FSIP1: variants seen among roughly 807,000 people sequenced by gnomAD.
The protein encoded by FSIP1 is fibrous sheath interacting protein 1, also known as fibrous sheath-interacting protein 1.
FSIP1 carries 65 observed loss-of-function variants against 60.9 expected under a neutral mutation model. That is an observed-to-expected ratio of 1.07 (90% CI 0.87 to 1.31). FSIP1 has a LOEUF of 1.31. Ranked by LOEUF, FSIP1 falls within the 40% of genes most tolerant of loss-of-function variation. FSIP1 has a pLI of 0.00. For missense variants in FSIP1, 675 were observed against 665.5 expected (o/e 1.01, Z -0.16); for synonymous variants, 209 against 221.2 (o/e 0.94, Z 0.49).
chr15:39,770,318 A>C, intron 3 of FSIP1, 109 bp downstream of exon 3: 1 of 784,924 alleles, frequency 1.3e-6, no homozygotes, highest in Non-Finnish European at 1.9e-6. Flanking sequence ...TTTATTATTT[A>C]TATTTAGTTG....
rs749946893 is a variant in FSIP1, at chr15:39,741,879, T to C, written c.581A>G (p.Asp194Gly). The C allele has an allele frequency of 2.8e-5, 45 of 1,598,736 alleles. No individual in the cohort carries two copies. Among genetic ancestry groups the C allele is most frequent in the South Asian group, 4.4e-5 (4 of 90,744 alleles). Residue 194 changes from aspartate (D) to glycine (G), a missense_variant, in exon 6 of 12, where the codon GAC becomes GGC. Asp to Gly is a moderately conservative substitution (Grantham distance 94, BLOSUM62 -1). Coordinates refer to ENST00000350221, the MANE Select transcript of FSIP1 (RefSeq NM_152597.5). ...AGTATGAAACACTGAGGAAAAGGTGTCTTCCTCCTCATGAGAAGGACCTGT... is the reference window on the plus strand; with the variant it reads ...AGTATGAAACACTGAGGAAAAGGTGCCTTCCTCCTCATGAGAAGGACCTGT... ...ETVGPSHEEE[D>G]TFSSVFHTQI...
chr15:39,717,019 T>C (rs1895770237), intron 9 of FSIP1, among the ~76,000 whole-genome samples: 1 of 152,006 alleles, frequency 6.6e-6, no homozygotes, highest in South Asian at 2.1e-4. Flanking sequence ...TTCACCATGT[T>C]GGCCAGGATG....
intron 10 of FSIP1, among the ~76,000 whole-genome samples, chr15:39,648,168 T>TA (rs59445778): frequency 0.012 from 915 of 74,828 alleles, 5 homozygotes; most frequent in African/African-American, 0.02. Flanking sequence ...TAAAGTATAA[T>TA]AAAAAAAAAA....
chr15:39,761,980 C>A (rs1897515259), intron 5 of FSIP1, among the ~76,000 whole-genome samples: 1 of 152,196 alleles, frequency 6.6e-6, no homozygotes, highest in Non-Finnish European at 1.5e-5. Flanking sequence ...AATGGGGCCT[C>A]AGATGGCTGG....
At chr15:39,634,183 T>C (rs1000885059) in intron 10 of FSIP1, among the ~76,000 whole-genome samples, 1 of 152,152 alleles carries the variant, frequency 6.6e-6, no homozygotes, top group African/African-American at 2.4e-5. Flanking sequence ...ACTGGATTTT[T>C]CCCATGAGTA....
chr15:39,780,519 C>CA (rs933891428), intron 1 of FSIP1, among the ~76,000 whole-genome samples: 111 of 151,166 alleles, frequency 7.3e-4, no homozygotes, highest in Middle Eastern at 6.8e-3. Flanking sequence ...GACTCCGTGT[C>CA]AAAAAAAGAA....
At chr15:39,672,875 G>C (rs556721986) in intron 10 of FSIP1, among the ~76,000 whole-genome samples, 3 of 152,322 alleles carry the variant, frequency 2.0e-5, no homozygotes, top group South Asian at 4.1e-4. Flanking sequence ...GAATCAGATG[G>C]ATGAGATGGG....
At chr15:39,633,852 T>C (rs1294000852) in intron 10 of FSIP1, among the ~76,000 whole-genome samples, 1 of 152,228 alleles carries the variant, frequency 6.6e-6, no homozygotes, top group East Asian at 1.9e-4. Flanking sequence ...TCATACACAC[T>C]GGACAATAGG....
intron 1 of FSIP1, among the ~76,000 whole-genome samples, chr15:39,782,290 C>A (rs963646570): frequency 1.3e-5 from 2 of 152,124 alleles, no homozygotes; most frequent in African/African-American, 4.8e-5. Context: ...TTTTATTTTT[C>A]CTGTGAAATG....
At chr15:39,736,431 G>A (rs1019045913) in intron 8 of FSIP1, among the ~76,000 whole-genome samples, 2 of 152,178 alleles carry the variant, frequency 1.3e-5, no homozygotes, top group African/African-American at 4.8e-5. Context: ...TATTTTGTTT[G>A]CCCACACAGA....
chr15:39,776,180 G>GAGCAGA (rs1898051224), intron 2 of FSIP1, among the ~76,000 whole-genome samples: 2 of 122,646 alleles, frequency 1.6e-5, no homozygotes, highest in African/African-American at 6.3e-5. Context: ...GGGAGGGGAG[G>GAGCAGA]GGCGGAGGGA....
intron 8 of FSIP1, among the ~76,000 whole-genome samples, chr15:39,737,147 C>T (rs1219157098): frequency 1.3e-5 from 2 of 152,168 alleles, no homozygotes; most frequent in African/African-American, 4.8e-5. Flanking sequence ...CAGTGTATTT[C>T]TTCACAGAAG....
chr15:39,717,282 C>G (rs1895779524), intron 9 of FSIP1, among the ~76,000 whole-genome samples: 1 of 151,942 alleles, frequency 6.6e-6, no homozygotes, highest in Admixed American at 6.6e-5. Context: ...GTATGATAAA[C>G]TATGGTGAGC....
intron 10 of FSIP1, among the ~76,000 whole-genome samples, chr15:39,703,051 C>T (rs942997464): frequency 1.3e-5 from 2 of 148,642 alleles, no homozygotes; most frequent in Admixed American, 6.8e-5. Context: ...GGCACGATTT[C>T]GGCTCACTGC....
intron 10 of FSIP1, among the ~76,000 whole-genome samples, chr15:39,649,958 G>C (rs1245197248): frequency 6.6e-6 from 1 of 152,150 alleles, no homozygotes; most frequent in Non-Finnish European, 1.5e-5. Flanking sequence ...CCACACTTTT[G>C]TTCCTGCTGG....
chr15:39,688,609 C>T (rs1281879813), intron 10 of FSIP1, among the ~76,000 whole-genome samples: 1 of 152,156 alleles, frequency 6.6e-6, no homozygotes, highest in African/African-American at 2.4e-5. Context: ...TAGAAAGCCA[C>T]AAACTTTTAA....
At chr15:39,698,743 A>T (rs1276955384) in intron 10 of FSIP1, among the ~76,000 whole-genome samples, 1 of 152,214 alleles carries the variant, frequency 6.6e-6, no homozygotes, top group African/African-American at 2.4e-5. Flanking sequence ...GGGCAAACAC[A>T]CTAAAGTGCC....
intron 10 of FSIP1, among the ~76,000 whole-genome samples, chr15:39,656,140 G>C (rs1190484539): frequency 2.6e-5 from 4 of 152,174 alleles, no homozygotes; most frequent in African/African-American, 9.6e-5. Context: ...AGACTGGACT[G>C]GGGTAGGGAG....
At chr15:39,736,492 C>T (rs1374454407) in intron 8 of FSIP1, among the ~76,000 whole-genome samples, 1 of 152,112 alleles carries the variant, frequency 6.6e-6, no homozygotes, top group Non-Finnish European at 1.5e-5. Flanking sequence ...TAATGTTTCT[C>T]ACAAAAAAAT....
Sources: allele counts gnomAD v4.1 joint callset (sites outside exome capture counted in the v4.1 genomes callset), GRCh38; gene constraint gnomAD v4.1.1; transcripts MANE v1.5; gene names NCBI Gene and HGNC (gene_info 2026-07-23, HGNC 2026-07-21).